The following CFTR variants were observed in gnomAD, a reference collection of about 807,000 sequenced individuals.
The protein encoded by CFTR is cystic fibrosis transmembrane conductance regulator.
CFTR carries 181 observed loss-of-function variants against 171.6 expected under a neutral mutation model. That is an observed-to-expected ratio of 1.05 (90% CI 0.93 to 1.19). The LOEUF is 1.19. Among genes scored for constraint, CFTR ranks in the 50% most tolerant of loss-of-function variants. The pLI is 0.00. For synonymous variants in CFTR, 583 were observed against 608.0 expected, an observed-to-expected ratio of 0.96 and a Z score of 0.60; for missense variants, 1,968 against 1,734.7, an observed-to-expected ratio of 1.13 and a Z score of -2.39.
chr7:117,512,635 A>G (rs1798537506), intron 3 of CFTR, among the ~76,000 whole-genome samples: 1 of 42,348 alleles, frequency 2.4e-5, no homozygotes, highest in African/African-American at 3.0e-4. Flanking sequence ...CTCCATCTCA[A>G]AAAAAAAAAA....
intron 1 of CFTR, among the ~76,000 whole-genome samples, chr7:117,503,028 G>T (rs1167523340): frequency 6.6e-6 from 1 of 152,194 alleles, no homozygotes; most frequent in Non-Finnish European, 1.5e-5. Context: ...GGACCTGGGT[G>T]GGAGCAGTGA....
intron 11 of CFTR, among the ~76,000 whole-genome samples, chr7:117,577,798 G>A (rs1457348041): frequency 6.6e-6 from 1 of 152,086 alleles, no homozygotes; most frequent in Non-Finnish European, 1.5e-5. Flanking sequence ...TATGTAACAG[G>A]ATTGAAAATG....
chr7:117,611,345 G>A (rs1207730728), intron 19 of CFTR, among the ~76,000 whole-genome samples: 1 of 151,946 alleles, frequency 6.6e-6, no homozygotes, highest in Non-Finnish European at 1.5e-5. Context: ...ATAAATATTG[G>A]TGGTAATTTT....
intron 2 of CFTR, among the ~76,000 whole-genome samples, chr7:117,505,268 C>A (rs1022298791): frequency 1.8e-4 from 27 of 152,212 alleles, no homozygotes; most frequent in Middle Eastern, 3.4e-3. Flanking sequence ...TAGTCCCCCC[C>A]ATAAAGAATC....
At position 117,480,269 on chromosome 7, in the gene CFTR, T is replaced by C. The variant is rs565917477; in HGVS notation, c.53+122T>C. On this transcript the variant is annotated intron_variant, in intron 1 of 26. Coordinates refer to ENST00000003084, the MANE Select transcript of CFTR (RefSeq NM_000492.4). ...TTTAAAAAGATGCGCTATCATTCAT[T>C]GTTTTGAAAGAAAATGTGGGTATTG... 9 of 877,344 alleles carry C rather than the reference T, an allele frequency of 1.0e-5. No individual in the cohort carries two copies. The Admixed American group carries it at 1.3e-4, about 12-fold the overall frequency. The allele number at this position is 877,344 out of a possible 1,614,324, so 54.3% of individuals were successfully genotyped here.
At chr7:117,480,890 CT>C (rs1797991545) in intron 1 of CFTR, among the ~76,000 whole-genome samples, 1 of 152,264 alleles carries the variant, frequency 6.6e-6, no homozygotes, top group Admixed American at 6.5e-5. Context: ...AGTTCGGAAT[CT>C]TAGGCAAAGT....
At chr7:117,532,952 C>A (rs559510303) in intron 4 of CFTR, among the ~76,000 whole-genome samples, 4 of 152,248 alleles carry the variant, frequency 2.6e-5, no homozygotes, top group Admixed American at 2.0e-4. Context: ...TATGTGGGAC[C>A]TTTCCTACAA....
At chr7:117,511,235 C>T (rs190168254) in intron 3 of CFTR, among the ~76,000 whole-genome samples, 15 of 152,156 alleles carry the variant, frequency 9.9e-5, no homozygotes, top group Admixed American at 4.6e-4. Flanking sequence ...CAGGAATCAA[C>T]GAGATCTTCT....
chr7:117,522,041 T>C (rs79541899), intron 3 of CFTR, among the ~76,000 whole-genome samples: 1 of 152,208 alleles, frequency 6.6e-6, no homozygotes, highest in Non-Finnish European at 1.5e-5. Context: ...CTAGAAGATA[T>C]AGGAGACATT....
chr7:117,570,909 T>A (rs1235636304), intron 11 of CFTR, among the ~76,000 whole-genome samples: 1 of 152,216 alleles, frequency 6.6e-6, no homozygotes, highest in African/African-American at 2.4e-5. Context: ...TTTATTTTTG[T>A]GTAAATGATG....
chr7:117,614,404 T>C (rs1792451622), intron 20 of CFTR, among the ~76,000 whole-genome samples: 1 of 152,188 alleles, frequency 6.6e-6, no homozygotes, highest in Non-Finnish European at 1.5e-5. Flanking sequence ...CGCTCTTTGA[T>C]TTAAAATCCT....
chr7:117,621,890 T>C (rs993617163), intron 21 of CFTR, among the ~76,000 whole-genome samples: 1 of 152,216 alleles, frequency 6.6e-6, no homozygotes, highest in African/African-American at 2.4e-5. Flanking sequence ...CCTTTGCCCA[T>C]TGACACACTT....
At position 117,494,135 on chromosome 7, in the gene CFTR, TATTA is replaced by T. The variant is rs144185334; in HGVS notation, c.54-10114_54-10111del. 2.9e-3 allele frequency among the ~76,000 whole-genome samples: 448 copies of T among 152,232 alleles called. 2 individuals carry two copies. The highest frequency in any genetic ancestry group is 0.01 in the African/African-American group (433 of 41,542). On this transcript the variant is annotated intron_variant, in intron 1 of 26. Transcript: ENST00000003084. ...ATCAGTTTCAGTATTATCCTTGGAG[TATTA>T]ATTCTTAATCATCTTCATCTTAGAA... is the stretch of plus-strand genomic sequence containing the variant.
chr7:117,593,608 T>G (rs1481743952), intron 14 of CFTR, among the ~76,000 whole-genome samples: 2 of 152,172 alleles, frequency 1.3e-5, no homozygotes, highest in African/African-American at 4.8e-5. Flanking sequence ...GTTTGTTTGT[T>G]TGTTTGAGAT....
chr7:117,548,554 C>T (rs35384080), intron 9 of CFTR, 87 bp from the exon 10 acceptor site: 1 of 1,548,926 alleles, frequency 6.5e-7, no homozygotes. Flanking sequence ...ACTAATTGTA[C>T]ATAAAACAAG....
Position 117,627,589 on chromosome 7 carries a change from C to T in CFTR, c.3536C>T (p.Thr1179Ile). The T allele has an allele frequency of 1.2e-6, 2 of 1,613,380 alleles. No individual in the cohort carries two copies. Among genetic ancestry groups the T allele is most frequent in the South Asian group, 1.1e-5 (1 of 91,068 alleles). Residue 1179 changes from threonine to isoleucine, a missense_variant, in exon 22 of 27, where the codon ACC becomes ATC. By Grantham distance (89) the Thr-to-Ile change is moderately conservative (BLOSUM62 -1). Transcript: ENST00000003084. The stretch of plus-strand genomic sequence containing the variant: ...ACAGAAGGTAAACCTACCAAGTCAA[C>T]CAAACCATACAAGAATGGCCAACTC... ...MPTEGKPTKS[T>I]KPYKNGQLSK...
chr7:117,608,467 C>T (rs187579125), intron 18 of CFTR, among the ~76,000 whole-genome samples: 33 of 152,300 alleles, frequency 2.2e-4, no homozygotes, highest in Admixed American at 1.3e-3. Context: ...CCTGCCTCAG[C>T]CTCTTAAAGA....
At chr7:117,624,440 T>C (rs761753877) in intron 21 of CFTR, among the ~76,000 whole-genome samples, 1 of 152,202 alleles carries the variant, frequency 6.6e-6, no homozygotes, top group Non-Finnish European at 1.5e-5. Context: ...AATCTGAAGC[T>C]ATATCAAGCC....
chr7:117,624,974 A>G (rs1193048383), intron 21 of CFTR, among the ~76,000 whole-genome samples: 5 of 152,190 alleles, frequency 3.3e-5, no homozygotes, highest in Non-Finnish European at 7.3e-5. Flanking sequence ...CCAAGGTGGA[A>G]AGCCCACGAC....
Sources: gnomAD v4.1 joint callset for allele counts (sites outside exome capture counted in the v4.1 genomes callset) on GRCh38, gnomAD v4.1.1 for gene constraint, MANE v1.5 for transcripts, NCBI Gene and HGNC (gene_info 2026-07-23, HGNC 2026-07-21) for gene names.